The following HS3ST5 variants were observed in gnomAD, a reference collection of about 807,000 sequenced individuals.
HS3ST5 encodes heparan sulfate glucosamine 3-O-sulfotransferase 5.
In HS3ST5, 10 loss-of-function variants were observed where a neutral mutation model predicts 25.4. The observed-to-expected ratio is 0.39, with a 90% CI of 0.24 to 0.67. HS3ST5 has a LOEUF of 0.67. HS3ST5 is among the 30% of genes least tolerant of loss of function. The pLI, the probability that HS3ST5 is intolerant of heterozygous loss-of-function variation, is 0.44. For missense variants in HS3ST5, 324 were observed against 420.7 expected (o/e 0.77, Z 2.01); for synonymous variants, 170 against 162.4 (o/e 1.05, Z -0.36).
chr6:114,176,754 G>T (rs1417256410), intron 2 of HS3ST5, among the ~76,000 whole-genome samples: 2 of 152,152 alleles, frequency 1.3e-5, no homozygotes, highest in Non-Finnish European at 2.9e-5. Context: ...AACACATACA[G>T]TATAGGTGTT....
intron 2 of HS3ST5, among the ~76,000 whole-genome samples, chr6:114,170,871 T>TA (rs1263862885): frequency 6.6e-6 from 1 of 152,198 alleles, no homozygotes; most frequent in African/African-American, 2.4e-5. Context: ...AGTTCAATGT[T>TA]ACTGCCTCAT....
intron 1 of HS3ST5, among the ~76,000 whole-genome samples, chr6:114,301,312 C>A (rs182654485): frequency 7.9e-5 from 12 of 152,242 alleles, no homozygotes; most frequent in African/African-American, 2.9e-4. Flanking sequence ...TAATTTATTT[C>A]TAAAGGTCAT....
chr6:114,318,283 A>G (rs992761731), intron 1 of HS3ST5, among the ~76,000 whole-genome samples: 1 of 152,196 alleles, frequency 6.6e-6, no homozygotes, highest in Non-Finnish European at 1.5e-5. Flanking sequence ...AGTTCTTAAC[A>G]ATGCTTTAAC....
chr6:114,243,698 A>G (rs1772247222), intron 1 of HS3ST5, among the ~76,000 whole-genome samples: 1 of 152,146 alleles, frequency 6.6e-6, no homozygotes, highest in African/African-American at 2.4e-5. Context: ...ATCCATGTCC[A>G]CTGCTATGTG....
chr6:114,332,876 A>C (rs1309478100), intron 1 of HS3ST5, among the ~76,000 whole-genome samples: 2 of 152,048 alleles, frequency 1.3e-5, no homozygotes, highest in Non-Finnish European at 2.9e-5. Context: ...AGTATGAGGG[A>C]GCATGGTCCA....
chr6:114,274,073 G>T (rs532727165), intron 1 of HS3ST5, among the ~76,000 whole-genome samples: 15 of 152,128 alleles, frequency 9.9e-5, no homozygotes, highest in Admixed American at 5.2e-4. Flanking sequence ...GTAAGTACAA[G>T]GGAATGGGAT....
intron 3 of HS3ST5, among the ~76,000 whole-genome samples, chr6:114,101,310 C>T (rs1171672895): frequency 6.6e-6 from 1 of 152,094 alleles, no homozygotes; most frequent in Non-Finnish European, 1.5e-5. Context: ...TAAAAATATA[C>T]AAAAAGACAA....
intron 1 of HS3ST5, among the ~76,000 whole-genome samples, chr6:114,308,381 C>A (rs556666105): frequency 6.6e-6 from 1 of 152,114 alleles, no homozygotes; most frequent in East Asian, 1.9e-4. Flanking sequence ...GTCAGGAGAT[C>A]GAGACCGTCA....
chr6:114,308,431 A>C (rs1043455284), intron 1 of HS3ST5, among the ~76,000 whole-genome samples: 25 of 152,018 alleles, frequency 1.6e-4, no homozygotes, highest in African/African-American at 6.0e-4. Context: ...TAAGAAATAC[A>C]GGAAAATTAG....
At chr6:114,164,412 A>G (rs1779111541) in intron 3 of HS3ST5, among the ~76,000 whole-genome samples, 1 of 152,162 alleles carries the variant, frequency 6.6e-6, no homozygotes, top group Non-Finnish European at 1.5e-5. Context: ...GCTATGAACA[A>G]AGTCCAATGT....
chr6:114,291,090 G>A (rs1774556267), intron 1 of HS3ST5, among the ~76,000 whole-genome samples: 1 of 151,970 alleles, frequency 6.6e-6, no homozygotes, highest in South Asian at 2.1e-4. Flanking sequence ...CCCTATCCAG[G>A]GTAGGGCTGC....
At chr6:114,295,210 GA>G (rs1351462504) in intron 1 of HS3ST5, among the ~76,000 whole-genome samples, 2 of 152,094 alleles carry the variant, frequency 1.3e-5, no homozygotes, top group Non-Finnish European at 2.9e-5. Context: ...AAAATAAGGG[GA>G]AAAATAAATT....
intron 2 of HS3ST5, among the ~76,000 whole-genome samples, chr6:114,209,346 A>G (rs903387154): frequency 6.6e-6 from 1 of 151,982 alleles, no homozygotes; most frequent in Non-Finnish European, 1.5e-5. Context: ...TGAAAAAAAA[A>G]CTTGTGTATT....
chr6:114,086,106 G>T (rs899241602), intron 3 of HS3ST5, among the ~76,000 whole-genome samples: 2 of 152,002 alleles, frequency 1.3e-5, no homozygotes, highest in African/African-American at 2.4e-5. Context: ...TGCTATTAAA[G>T]GCAGTGTGGA....
chr6:114,239,648 T>C (rs1772012278), intron 1 of HS3ST5, among the ~76,000 whole-genome samples: 1 of 152,160 alleles, frequency 6.6e-6, no homozygotes, highest in African/African-American at 2.4e-5. Context: ...TTTTCTGCAG[T>C]TGGATGCAGT....
intron 3 of HS3ST5, among the ~76,000 whole-genome samples, chr6:114,089,791 C>G (rs73769045): frequency 6.6e-6 from 1 of 152,148 alleles, no homozygotes; most frequent in Non-Finnish European, 1.5e-5. Flanking sequence ...ACGGAGAAGC[C>G]GTTGGGCAAT....
At chr6:114,329,812 CTTG>C (rs1488971269) in intron 1 of HS3ST5, among the ~76,000 whole-genome samples, 2 of 152,124 alleles carry the variant, frequency 1.3e-5, no homozygotes, top group African/African-American at 4.8e-5. Flanking sequence ...AATTAATTAT[CTTG>C]TTGTAGGTCT....
chr6:114,142,344 G>C (rs1777949819), intron 3 of HS3ST5, among the ~76,000 whole-genome samples: 1 of 152,154 alleles, frequency 6.6e-6, no homozygotes, highest in African/African-American at 2.4e-5. Context: ...CCAATGAAAG[G>C]AACGAGTAAA....
chr6:114,187,001 G>C (rs1315336262), intron 2 of HS3ST5, among the ~76,000 whole-genome samples: 2 of 152,170 alleles, frequency 1.3e-5, no homozygotes, highest in Non-Finnish European at 2.9e-5. Context: ...TGTTCACTAA[G>C]TGTTTTAAGA....
Sources: gnomAD v4.1 joint callset for allele counts (sites outside exome capture counted in the v4.1 genomes callset) on GRCh38, gnomAD v4.1.1 for gene constraint, MANE v1.5 for transcripts, NCBI Gene and HGNC (gene_info 2026-07-23, HGNC 2026-07-21) for gene names.